The following PLD5 variants were observed in gnomAD, a reference collection of about 807,000 sequenced individuals.
PLD5 encodes the protein inactive phospholipase D5.
Under a neutral mutation model 61.1 loss-of-function variants are expected in PLD5, and 36 were observed. That is an observed-to-expected ratio of 0.59 (90% CI 0.45 to 0.78). The LOEUF (loss-of-function observed/expected upper bound fraction) is 0.78. PLD5 is among the 30% of genes least tolerant of loss of function. The pLI is 0.00. For missense variants in PLD5, 515 were observed against 644.4 expected, an observed-to-expected ratio of 0.80 and a Z score of 2.17; for synonymous variants, 243 against 242.8, an observed-to-expected ratio of 1.00 and a Z score of -0.01.
At chr1:242,483,321 A>G (rs979548800) in intron 1 of PLD5, among the ~76,000 whole-genome samples, 9 of 152,248 alleles carry the variant, frequency 5.9e-5, no homozygotes, top group African/African-American at 1.7e-4. Flanking sequence ...CCCATCTCAC[A>G]TGCAGAGACA....
intron 1 of PLD5, among the ~76,000 whole-genome samples, chr1:242,423,446 G>A (rs922672453): frequency 8.5e-5 from 13 of 152,138 alleles, no homozygotes; most frequent in African/African-American, 3.1e-4. Context: ...GTTATTAGAA[G>A]CATGCTATGT....
chr1:242,441,454 C>T (rs886314675), intron 1 of PLD5, among the ~76,000 whole-genome samples: 5 of 151,866 alleles, frequency 3.3e-5, no homozygotes, highest in African/African-American at 1.2e-4. Flanking sequence ...TCCGAAATTA[C>T]CATGTGTTTC....
At chr1:242,374,374 A>G (rs1038346697) in intron 1 of PLD5, among the ~76,000 whole-genome samples, 2 of 152,148 alleles carry the variant, frequency 1.3e-5, no homozygotes, top group Non-Finnish European at 2.9e-5. Context: ...AGAGGCTGAC[A>G]TTTTCCTTCA....
intron 6 of PLD5, among the ~76,000 whole-genome samples, chr1:242,122,036 A>G (rs1662419670): frequency 6.6e-6 from 1 of 152,184 alleles, no homozygotes; most frequent in South Asian, 2.1e-4. Flanking sequence ...ACATGTATAC[A>G]TAGGTAACAA....
At chr1:242,287,590 C>T (rs920170754) in intron 3 of PLD5, among the ~76,000 whole-genome samples, 8 of 152,134 alleles carry the variant, frequency 5.3e-5, no homozygotes, top group Non-Finnish European at 1.2e-4. Context: ...AATACCACTA[C>T]ATTTTGCATA....
chr1:242,220,176 C>T lies in PLD5; in HGVS notation c.608-61G>A, dbSNP rs1366718412. The T allele has an allele frequency of 1.0e-4, 161 of 1,580,160 alleles. 1 individual carries two copies. In the South Asian group the frequency reaches 1.4e-3, roughly 14 times the overall value. On this transcript the variant is annotated intron_variant, in intron 4 of 9. Transcript: ENST00000536534. ...TCAAGGCCCTGCCTGGGCTGTCAGT[C>T]ACCTACCAGTGGAAATATTCATGGT...
At chr1:242,499,249 T>C (rs914969023) in intron 1 of PLD5, among the ~76,000 whole-genome samples, 3 of 152,210 alleles carry the variant, frequency 2.0e-5, no homozygotes, top group Non-Finnish European at 4.4e-5. Context: ...AGGGAAAAGT[T>C]TGGACATAGT....
chr1:242,215,554 C>T (rs570903788), intron 5 of PLD5, among the ~76,000 whole-genome samples: 2 of 152,212 alleles, frequency 1.3e-5, no homozygotes, highest in Admixed American at 6.5e-5. Flanking sequence ...AAGATGTGAA[C>T]AGTAATGTAT....
chr1:242,349,115 T>C (rs1235798501), intron 1 of PLD5, among the ~76,000 whole-genome samples: 3 of 152,116 alleles, frequency 2.0e-5, no homozygotes, highest in Non-Finnish European at 4.4e-5. Flanking sequence ...TGTTCAGTCC[T>C]GAAAGGCAGG....
intron 2 of PLD5, among the ~76,000 whole-genome samples, chr1:242,321,726 G>A (rs1312690264): frequency 6.6e-6 from 1 of 152,132 alleles, no homozygotes; most frequent in Admixed American, 6.5e-5. Context: ...ACATCAAGAT[G>A]ATATATAAGC....
upstream of PLD5, among the ~76,000 whole-genome samples, chr1:242,529,584 A>T (rs1669510118): frequency 6.6e-6 from 1 of 152,060 alleles, no homozygotes. Context: ...TTTACACAAC[A>T]CCAAACTGTA....
chr1:242,443,021 T>C (rs1666346743), intron 1 of PLD5, among the ~76,000 whole-genome samples: 1 of 152,184 alleles, frequency 6.6e-6, no homozygotes, highest in African/African-American at 2.4e-5. Context: ...GCCCTTGCTA[T>C]GACAGAACAT....
rs140212704 is a variant in PLD5 at position 242,377,454 on chromosome 1, T to A, written c.190-29212A>T. 1.6e-5 allele frequency: 12 copies of A among 745,106 alleles called. No individual in the cohort carries two copies. In the East Asian group the frequency reaches 2.7e-4, roughly 17 times the overall value. 46.2% of individuals were successfully genotyped at this position (745,106 alleles called of 1,614,324 possible). On this transcript the variant is annotated intron_variant, in intron 1 of 9. Transcript: ENST00000536534. ...TTTTGTTTCCTCCTCACTGGTGGCA[T>A]CTGTCATTTCTTTAATTCTTTAATA...
chr1:242,334,571 C>T (rs377728256), intron 2 of PLD5, among the ~76,000 whole-genome samples: 15 of 152,114 alleles, frequency 9.9e-5, no homozygotes, highest in African/African-American at 2.9e-4. Flanking sequence ...CAGCCCTCAT[C>T]GCAGCAGCCC....
intron 1 of PLD5, among the ~76,000 whole-genome samples, chr1:242,426,310 A>T (rs1015174179): frequency 2.6e-4 from 5 of 19,394 alleles, no homozygotes; most frequent in African/African-American, 1.6e-3. Flanking sequence ...GTTTCCAGTT[A>T]AAAAAAAAAA....
intron 5 of PLD5, among the ~76,000 whole-genome samples, chr1:242,130,621 T>A (rs560759891): frequency 3.3e-5 from 5 of 152,294 alleles, no homozygotes; most frequent in East Asian, 1.9e-4. Context: ...ATTATTTTTT[T>A]AATTTTAAAT....
chr1:242,134,620 C>T (rs1408559249), intron 5 of PLD5, among the ~76,000 whole-genome samples: 5 of 152,126 alleles, frequency 3.3e-5, no homozygotes, highest in African/African-American at 1.2e-4. Context: ...GGGGGATCTT[C>T]CTCTTGCCCC....
At chr1:242,192,746 G>A (rs548562628) in intron 5 of PLD5, among the ~76,000 whole-genome samples, 7 of 151,806 alleles carry the variant, frequency 4.6e-5, no homozygotes, top group South Asian at 2.1e-4. Context: ...TGAAGTTCTC[G>A]GGCAGGAAGA....
chr1:242,328,713 C>T (rs1209257513), intron 2 of PLD5, among the ~76,000 whole-genome samples: 1 of 152,174 alleles, frequency 6.6e-6, no homozygotes, highest in Non-Finnish European at 1.5e-5. Flanking sequence ...TAAAGAACTA[C>T]TTTCTGCCTC....
Sources: allele counts gnomAD v4.1 joint callset (sites outside exome capture counted in the v4.1 genomes callset), GRCh38; gene constraint gnomAD v4.1.1; transcripts MANE v1.5; gene names NCBI Gene and HGNC (gene_info 2026-07-23, HGNC 2026-07-21).